The following ANKRD18A variants were observed in gnomAD, a reference collection of about 807,000 sequenced individuals.
The protein encoded by ANKRD18A is ankyrin repeat domain-containing protein 18A.
A neutral mutation model predicts 110.6 loss-of-function variants in ANKRD18A; 72 were observed. The ratio of observed to expected loss-of-function variants is 0.65; its 90% CI spans 0.54 to 0.79. The LOEUF is 0.79. Ranked by LOEUF, ANKRD18A falls within the 30% of genes least tolerant of loss-of-function variation. The pLI is 0.00. For missense variants in ANKRD18A, 934 were observed against 1,163.3 expected, an observed-to-expected ratio of 0.80 and a Z score of 2.87; for synonymous variants, 305 against 410.3, an observed-to-expected ratio of 0.74 and a Z score of 3.10.
rs985903752 is a variant in ANKRD18A, at chr9:38,620,546, A to C, written c.-261T>G. On this transcript the variant is annotated 5_prime_UTR_variant, in exon 1 of 16. Coordinates refer to ENST00000399703, the MANE Select transcript of ANKRD18A (RefSeq NM_147195.4). The stretch of plus-strand genomic sequence containing the variant: ...CTCTCAGACCGAGTGAGCCCAGCTA[A>C]GCCGTTAGGCGCGCGCCTGAACCTC... 1.5e-5 allele frequency: 19 copies of C among 1,292,340 alleles called. No individual in the cohort carries two copies. Among genetic ancestry groups the C allele is most frequent in the Non-Finnish European group, 1.9e-5 (19 of 1,007,986 alleles). 80.1% of individuals were successfully genotyped at this position (1,292,340 alleles called of 1,614,324 possible).
chr9:38,614,816 A>C (rs1207939518), intron 3 of ANKRD18A, among the ~76,000 whole-genome samples: 1 of 152,178 alleles, frequency 6.6e-6, no homozygotes, highest in African/African-American at 2.4e-5. Flanking sequence ...CTAGATTTGA[A>C]AGGAGAGTTT....
At chr9:38,615,409 G>A (rs1247604160) in intron 3 of ANKRD18A, among the ~76,000 whole-genome samples, 185 bp downstream of exon 3, 2 of 152,108 alleles carry the variant, frequency 1.3e-5, no homozygotes, top group Admixed American at 6.5e-5. Flanking sequence ...CTTCCCATAC[G>A]TGCACTAAAA....
Position 38,595,564 on chromosome 9 carries a change from T to A in ANKRD18A, c.1776A>T (p.Arg592Ser), listed in dbSNP as rs766245715. Residue 592 changes from arginine (R) to serine (S), a missense_variant, in exon 9 of 16, where the codon AGA becomes AGT. Around this residue, in one of 4 missense-constraint regions of ANKRD18A, gnomAD observed 630 missense variants for 797.5 expected, o/e 0.79. Transcript: ENST00000399703. ...TATATTCTTTCATTAATTCCTTATT[T>A]CTTTCTTCTAGAAGATCTTCCTTTC... ...ENGKEDLLEE[R>S]NKELMKEYNY... The A allele has an allele frequency of 1.3e-6, 2 of 1,543,748 alleles. No homozygotes were observed. The highest frequency in any genetic ancestry group is 2.8e-5 in the African/African-American group (2 of 72,596).
chr9:38,617,784 A>G (rs973739655), intron 1 of ANKRD18A, among the ~76,000 whole-genome samples: 5 of 152,182 alleles, frequency 3.3e-5, no homozygotes, highest in Admixed American at 2.6e-4. Context: ...GTCCTGAGAG[A>G]TAGTGCAAAA....
intron 15 of ANKRD18A, 114 bp downstream of exon 15, chr9:38,575,362 T>C (rs1457472386): frequency 1.0e-5 from 12 of 1,153,732 alleles, no homozygotes; most frequent in Admixed American, 3.0e-5. Flanking sequence ...ACACAGCTAA[T>C]TATAATCTTT....
intron 7 of ANKRD18A, among the ~76,000 whole-genome samples, chr9:38,601,951 C>G (rs1170654185): frequency 6.6e-6 from 1 of 150,664 alleles, no homozygotes; most frequent in East Asian, 2.0e-4. Flanking sequence ...CCATTGCACT[C>G]CACCCTGGGT....
chr9:38,577,789 T>C, intron 13 of ANKRD18A, 78 bp downstream of exon 13: 2 of 1,467,954 alleles, frequency 1.4e-6, no homozygotes, highest in Non-Finnish European at 1.8e-6. Context: ...ACACAATATA[T>C]ACATATCCAA....
intron 6 of ANKRD18A, among the ~76,000 whole-genome samples, chr9:38,605,501 T>C (rs1172978834): frequency 6.6e-6 from 1 of 152,192 alleles, no homozygotes; most frequent in Non-Finnish European, 1.5e-5. Flanking sequence ...GTACAATGCA[T>C]TAGGTGTTAC....
intron 9 of ANKRD18A, among the ~76,000 whole-genome samples, 155 bp downstream of exon 9, chr9:38,595,331 G>C (rs683069): frequency 1.3e-5 from 2 of 152,046 alleles, no homozygotes; most frequent in African/African-American, 4.8e-5. Context: ...TGTCCCTATA[G>C]ATGTATTTCC....
intron 12 of ANKRD18A, among the ~76,000 whole-genome samples, chr9:38,581,094 G>A (rs1824141606): frequency 6.6e-6 from 1 of 152,108 alleles, no homozygotes; most frequent in African/African-American, 2.4e-5. Context: ...CCAAACCACA[G>A]GTTCATGAAC....
rs116243177 is a variant in ANKRD18A at position 38,577,735 on chromosome 9, T to A, written c.2529+132A>T. ...TTAAAAGGAAAAAAGTCACTTTTTT[T>A]CTAGAACTCTACGAAGGAAATTGCT... On this transcript the variant is annotated intron_variant, in intron 13 of 15. Transcript: ENST00000399703. 2,041 of 1,052,180 alleles carry A rather than the reference T, an allele frequency of 1.9e-3. 26 individuals are homozygous for A. The African/African-American group carries it at 0.031, about 16-fold the overall frequency. The allele number at this position is 1,052,180 out of a possible 1,614,324, so 65.2% of individuals were successfully genotyped here. A position where few individuals can be genotyped will look rare whatever the true frequency, so the allele number is the denominator to read the frequency against.
chr9:38,569,359 T>TCCC (rs1823556903), downstream of ANKRD18A: 2 of 985,092 alleles, frequency 2.0e-6, no homozygotes, highest in Non-Finnish European at 2.4e-6. Flanking sequence ...ATAGCGACTG[T>TCCC]CCCCAAGCCA....
chr9:38,613,432 T>C (rs1361155837), intron 3 of ANKRD18A, among the ~76,000 whole-genome samples: 3 of 152,078 alleles, frequency 2.0e-5, no homozygotes, highest in Non-Finnish European at 4.4e-5. Flanking sequence ...AACCAAGTAT[T>C]TGCATGTGGA....
intron 3 of ANKRD18A, among the ~76,000 whole-genome samples, chr9:38,613,772 T>C (rs1480323875): frequency 6.6e-6 from 1 of 152,198 alleles, no homozygotes; most frequent in African/African-American, 2.4e-5. Context: ...CAACTGCAAC[T>C]GAAACAAAAA....
intron 5 of ANKRD18A, among the ~76,000 whole-genome samples, chr9:38,608,020 A>C (rs1825435475): frequency 6.6e-6 from 1 of 152,352 alleles, no homozygotes; most frequent in African/African-American, 2.4e-5. Flanking sequence ...AGTTTCTAAT[A>C]TTCGAATGTC....
downstream of ANKRD18A, among the ~76,000 whole-genome samples, chr9:38,570,925 G>A (rs1823616230): frequency 6.6e-6 from 1 of 152,222 alleles, no homozygotes; most frequent in South Asian, 2.1e-4. Context: ...TGTCAGAGTG[G>A]GAGGAAGGGA....
At chr9:38,607,081 G>A (rs768763697) in intron 6 of ANKRD18A, among the ~76,000 whole-genome samples, 3 of 152,106 alleles carry the variant, frequency 2.0e-5, no homozygotes, top group South Asian at 2.1e-4. Context: ...TTTGGAGATA[G>A]AGTCTTGCTC....
chr9:38,594,487 T>TA (rs1284457326), intron 9 of ANKRD18A, among the ~76,000 whole-genome samples: 1 of 152,200 alleles, frequency 6.6e-6, no homozygotes, highest in African/African-American at 2.4e-5. Context: ...TAATTACTCA[T>TA]AAAAATATTC....
downstream of ANKRD18A, chr9:38,566,402 G>A (rs1823485219): frequency 6.6e-6 from 1 of 152,178 alleles, no homozygotes; most frequent in African/African-American, 2.4e-5. Context: ...ACATTTTCCA[G>A]AAAGCTTCTT....
Sources: allele counts gnomAD v4.1 joint callset (sites outside exome capture counted in the v4.1 genomes callset), GRCh38; gene constraint gnomAD v4.1.1; regional missense constraint gnomAD v4.1.1; transcripts MANE v1.5; gene names NCBI Gene and HGNC (gene_info 2026-07-23, HGNC 2026-07-21).